The following DIXDC1 variants were observed in gnomAD, a reference collection of about 807,000 sequenced individuals.
DIXDC1 encodes DIX domain containing 1.
Under a neutral mutation model 103.1 loss-of-function variants are expected in DIXDC1, and 64 were observed. The observed-to-expected ratio is 0.62, with a 90% CI of 0.51 to 0.76. DIXDC1 has a LOEUF of 0.76. DIXDC1 is among the 30% of genes least tolerant of loss of function. DIXDC1 has a pLI of 0.00. For missense variants in DIXDC1, 759 were observed against 834.2 expected (o/e 0.91, Z 1.11); for synonymous variants, 266 against 298.5 (o/e 0.89, Z 1.12).
chr11:111,968,721 TG>T, intron 3 of DIXDC1, 83 bp downstream of exon 3: 1 of 1,343,518 alleles, frequency 7.4e-7, no homozygotes. Flanking sequence ...GGCTGTAACC[TG>T]GGGGAAGATA....
chr11:111,994,093 A>C (rs1860798774), intron 14 of DIXDC1, among the ~76,000 whole-genome samples: 1 of 152,222 alleles, frequency 6.6e-6, no homozygotes, highest in African/African-American at 2.4e-5. Context: ...AGGCTCAAAA[A>C]ATATTCACCA....
chr11:111,989,346 C>T lies in DIXDC1; in HGVS notation c.1113+291C>T, dbSNP rs1391451222. 2.6e-5 allele frequency among the ~76,000 whole-genome samples: 4 copies of T among 152,102 alleles called. 1 individual carries two copies. The highest frequency in any genetic ancestry group is 4.2e-4 in the South Asian group (2 of 4,818). On this transcript the variant is annotated intron_variant, in intron 10 of 19. Coordinates refer to ENST00000440460, the MANE Select transcript of DIXDC1 (RefSeq NM_001037954.4). Reference sequence around the variant, plus strand: ...AGTGTGAAAGAATGTCCTCTAGGGCCGGGCGCGGTGGCTCACGCCTGTAAT... The same window carrying T: ...AGTGTGAAAGAATGTCCTCTAGGGCTGGGCGCGGTGGCTCACGCCTGTAAT...
chr11:111,990,742 G>A (rs1227431487), intron 10 of DIXDC1, among the ~76,000 whole-genome samples: 2 of 151,958 alleles, frequency 1.3e-5, no homozygotes, highest in African/African-American at 4.8e-5. Context: ...GTCTTGCTCT[G>A]TCGCCCAGAG....
Position 111,974,149 on chromosome 11 carries a change from G to A in DIXDC1, c.443G>A (p.Arg148Gln), listed in dbSNP as rs781946514. Residue 148 changes from arginine to glutamine, a missense_variant, in exon 4 of 20, where the codon CGA (arginine) becomes CAA (glutamine). This residue lies in a region of DIXDC1 where 657 missense variants were observed against 727.5 expected (regional missense o/e 0.90). Coordinates refer to ENST00000440460, the MANE Select transcript of DIXDC1 (RefSeq NM_001037954.4). ...TCCAGAGCCCCTCTGCAAAGTCACC[G>A]ACCACACTGTGCCACTGCTGTTGCC... Reference protein sequence around the residue: ...RDSRAPLQSHRPHCATAVAQG... With the variant: ...RDSRAPLQSHQPHCATAVAQG... The A allele has an allele frequency of 1.7e-5, 28 of 1,613,970 alleles. No homozygotes were observed. Among genetic ancestry groups the A allele is most frequent in the African/African-American group, 2.7e-5 (2 of 75,038 alleles).
intron 2 of DIXDC1, 98 bp from the exon 3 acceptor site, chr11:111,968,415 G>C: frequency 8.2e-7 from 1 of 1,225,922 alleles, no homozygotes; most frequent in East Asian, 2.6e-5. Context: ...TATAATGTTG[G>C]TGTTCACATC....
At chr11:111,999,133 A>T (rs1246926363) in intron 17 of DIXDC1, among the ~76,000 whole-genome samples, 4 of 152,220 alleles carry the variant, frequency 2.6e-5, no homozygotes, top group African/African-American at 9.7e-5. Flanking sequence ...CATATGAGAG[A>T]TGCAAGGCAA....
intron 2 of DIXDC1, among the ~76,000 whole-genome samples, chr11:111,966,597 G>T (rs1049138540): frequency 2.0e-5 from 3 of 152,012 alleles, no homozygotes; most frequent in Non-Finnish European, 4.4e-5. Flanking sequence ...TAGAGACGGG[G>T]TTTCACCTTG....
chr11:111,934,622 T>C (rs1232745245), upstream of DIXDC1, among the ~76,000 whole-genome samples: 2 of 152,214 alleles, frequency 1.3e-5, no homozygotes, highest in African/African-American at 4.8e-5. Flanking sequence ...TATTACAACA[T>C]GGTGGGATCG....
At chr11:112,013,577 G>A (rs1861497476) in intron 17 of DIXDC1, among the ~76,000 whole-genome samples, 1 of 152,116 alleles carries the variant, frequency 6.6e-6, no homozygotes, top group African/African-American at 2.4e-5. Flanking sequence ...GTATTACCAT[G>A]TATCTGTCTT....
Position 111,977,097 on chromosome 11 carries a change from C to G in DIXDC1, c.656+2114C>G. Reference sequence around the variant, plus strand: ...GATACGCGGCTCTTCCCCTGCCTATCCTGAGGCTCCCAATCTCCTCTCCTC... The same window carrying G: ...GATACGCGGCTCTTCCCCTGCCTATGCTGAGGCTCCCAATCTCCTCTCCTC... On this transcript the variant is annotated intron_variant, in intron 5 of 19. Transcript: ENST00000440460. This position sits in a 1 kb window ranked among gnomAD's most constrained non-coding sequence, Gnocchi z 6.1. 4.5e-6 allele frequency: 1 copy of G among 219,802 alleles called. No homozygotes were observed. 13.6% of individuals were successfully genotyped at this position (219,802 alleles called of 1,614,324 possible).
upstream of DIXDC1, among the ~76,000 whole-genome samples, chr11:111,934,952 T>C (rs1966146567): frequency 6.6e-6 from 1 of 152,228 alleles, no homozygotes; most frequent in Admixed American, 6.5e-5. Context: ...TTAGCTGTAG[T>C]TCAAGTGCTC....
chr11:111,953,700 A>G (rs1592558598), intron 1 of DIXDC1, among the ~76,000 whole-genome samples: 1 of 152,338 alleles, frequency 6.6e-6, no homozygotes, highest in South Asian at 2.1e-4. Context: ...ACAAAGAGTA[A>G]CAGATGAACC....
At chr11:112,008,277 A>G (rs1187170924) in intron 17 of DIXDC1, among the ~76,000 whole-genome samples, 1 of 152,228 alleles carries the variant, frequency 6.6e-6, no homozygotes, top group Non-Finnish European at 1.5e-5. Context: ...TCCTAAATTT[A>G]TATGCACCCA....
chr11:111,996,340 A>C, intron 17 of DIXDC1, 194 bp downstream of exon 17: 1 of 473,168 alleles, frequency 2.1e-6, no homozygotes, highest in East Asian at 3.8e-5. Context: ...CCCCAGTGCC[A>C]TTTAGCCACG....
chr11:111,953,133 CAAAA>C (rs1472963229), intron 1 of DIXDC1, among the ~76,000 whole-genome samples: 3 of 151,850 alleles, frequency 2.0e-5, no homozygotes, highest in Non-Finnish European at 2.9e-5. Flanking sequence ...AGGTTTTTCA[CAAAA>C]GAAAGAAAGA....
chr11:111,993,484 T>C lies in DIXDC1; in HGVS notation c.1273-12T>C, dbSNP rs587713937. ...TTTTGCCGCTCATCTTAAAGCTCTA[T>C]CTTTATTGCAGAAAGAGCTGGGGCA... On this transcript the variant is annotated splice_polypyrimidine_tract_variant and intron_variant, in intron 12 of 19. Transcript: ENST00000440460. 3 of 1,613,980 alleles carry C rather than the reference T, an allele frequency of 1.9e-6. No individual in the cohort carries two copies. Among genetic ancestry groups the C allele is most frequent in the South Asian group, 2.2e-5 (2 of 91,090 alleles).
chr11:111,972,309 G>C (rs1451576386), intron 3 of DIXDC1, among the ~76,000 whole-genome samples: 1 of 152,074 alleles, frequency 6.6e-6, no homozygotes, highest in Non-Finnish European at 1.5e-5. Flanking sequence ...AGAGTTCCAC[G>C]ATACCTCTGA....
chr11:112,009,511 G>A (rs1482167250), intron 17 of DIXDC1, among the ~76,000 whole-genome samples: 1 of 152,108 alleles, frequency 6.6e-6, no homozygotes, highest in Non-Finnish European at 1.5e-5. Flanking sequence ...ACAAAAAAAA[G>A]AGAATTTTAG....
At position 111,998,432 on chromosome 11, in the gene DIXDC1, C is replaced by T. The variant is rs587762238; in HGVS notation, c.1756+2286C>T. 3.3e-5 allele frequency among the ~76,000 whole-genome samples: 5 copies of T among 152,294 alleles called. No individual in the cohort carries two copies. Among genetic ancestry groups the T allele is most frequent in the South Asian group, 4.1e-4 (2 of 4,824 alleles). ...CTAAGCCTTTTCATATTGTCTTTGG[C>T]GTCAGGTGACCTCTTCCACTCCCCT... On this transcript the variant is annotated intron_variant, in intron 17 of 19. Coordinates refer to ENST00000440460, the MANE Select transcript of DIXDC1 (RefSeq NM_001037954.4). This position sits in a 1 kb window ranked among gnomAD's most constrained non-coding sequence, Gnocchi z 4.1.
Sources: allele counts gnomAD v4.1 joint callset (sites outside exome capture counted in the v4.1 genomes callset), GRCh38; gene constraint gnomAD v4.1.1; regional missense constraint gnomAD v4.1.1; non-coding constraint Gnocchi (gnomAD v3.1); transcripts MANE v1.5; gene names NCBI Gene and HGNC (gene_info 2026-07-23, HGNC 2026-07-21).